The following KIF24 variants were observed in gnomAD, a reference collection of about 807,000 sequenced individuals.
KIF24 encodes kinesin family member 24.
In KIF24, 81 loss-of-function variants were observed where a neutral mutation model predicts 118.9. The ratio of observed to expected loss-of-function variants is 0.68; its 90% CI spans 0.57 to 0.82. KIF24 has a LOEUF of 0.82. Ranked by LOEUF, KIF24 falls within the 40% of genes least tolerant of loss-of-function variation. The pLI is 0.00. For synonymous variants in KIF24, 599 were observed against 610.0 expected, an observed-to-expected ratio of 0.98 and a Z score of 0.27; for missense variants, 1,560 against 1,661.6, an observed-to-expected ratio of 0.94 and a Z score of 1.06.
chr9:34,309,007 G>A (rs1358232416), intron 2 of KIF24, among the ~76,000 whole-genome samples: 3 of 152,106 alleles, frequency 2.0e-5, no homozygotes, highest in African/African-American at 4.8e-5. Flanking sequence ...CTTGACCTCA[G>A]GAGTTTGAGG....
chr9:34,298,011 C>T (rs1396546858), intron 3 of KIF24, among the ~76,000 whole-genome samples: 1 of 151,820 alleles, frequency 6.6e-6, no homozygotes, highest in Non-Finnish European at 1.5e-5. Context: ...AAGTACGTGT[C>T]GATTTCAAAG....
rs1166797126 is a variant in KIF24 at position 34,290,254 on chromosome 9, T to C, written c.1047A>G (p.Pro349=). ...TGATCCACACAAAGAGGTGCTTTCT[T>C]GGCTGGGACACTTCTAGTTGCCTGA... ...DIFRQLEVSQ[P]RKHLFVWISF... The change falls in exon 5 of 13, where the codon CCA becomes CCG. Residue 349 remains proline (P), a synonymous_variant. Coordinates refer to ENST00000402558, the MANE Select transcript of KIF24 (RefSeq NM_194313.4). 1.9e-6 allele frequency: 3 copies of C among 1,613,996 alleles called. No individual in the cohort carries two copies. In the South Asian group the frequency reaches 3.3e-5, roughly 18 times the overall value.
In KIF24 at chr9:34,254,395, TC is replaced by T. The variant is rs1563930049; in HGVS notation, c.4091del (p.Gly1364GlufsTer48). ...GGGTCTGGCTCTAAGACGGCACTGT[TC>T]CCTCAGGGGCTGCGGTGGGCCCGTG... ...TCHGPTAAPE[G>X]TVPS is the part of the protein sequence containing the mutation. On this transcript the variant is annotated frameshift_variant, in exon 13 of 13. Coordinates refer to ENST00000402558, the MANE Select transcript of KIF24 (RefSeq NM_194313.4). LOFTEE classifies it high-confidence loss of function. 3.7e-6 allele frequency: 6 copies of T among 1,613,362 alleles called. No homozygotes were observed. The Admixed American group carries it at 5.0e-5, about 13-fold the overall frequency.
chr9:34,261,911 G>C (rs1037682952), intron 9 of KIF24, among the ~76,000 whole-genome samples: 2 of 152,094 alleles, frequency 1.3e-5, no homozygotes, highest in African/African-American at 4.8e-5. Flanking sequence ...CAATGCAAAG[G>C]CTTAGAGATT....
At position 34,306,281 on chromosome 9, in the gene KIF24, CTTCT is replaced by C; in HGVS notation, c.780_783del (p.Glu261GlnfsTer30). 1 of 1,605,920 alleles carries C rather than the reference CTTCT, an allele frequency of 6.2e-7. No homozygotes were observed. Among genetic ancestry groups the C allele is most frequent in the Non-Finnish European group, 8.5e-7 (1 of 1,175,422 alleles). On this transcript the variant is annotated frameshift_variant, in exon 3 of 13. Coordinates refer to ENST00000402558, the MANE Select transcript of KIF24 (RefSeq NM_194313.4). LOFTEE classifies it high-confidence loss of function. ...AGAATATATTGAGTGAGGTCAACTG[CTTCT>C]TTCTTCTCATGCACAAGTAGAGTTT...
rs117495106 is a variant in KIF24, at chr9:34,289,463, C to G, written c.1127+711G>C. 4.3e-4 allele frequency among the ~76,000 whole-genome samples: 65 copies of G among 152,298 alleles called. No individual in the cohort carries two copies. The East Asian group carries it at 9.5e-3, about 22-fold the overall frequency. On this transcript the variant is annotated intron_variant, in intron 5 of 12. Transcript: ENST00000402558. Reference sequence around the variant, plus strand: ...GCCTCAATTCACTCCTCCAACATCTCAAATCTGGTTAATTCTGTTATGACA... The same window carrying G: ...GCCTCAATTCACTCCTCCAACATCTGAAATCTGGTTAATTCTGTTATGACA...
chr9:34,300,850 C>CAAAAAAAAA (rs57919845), intron 3 of KIF24, among the ~76,000 whole-genome samples: 2 of 105,656 alleles, frequency 1.9e-5, no homozygotes, highest in African/African-American at 3.9e-5. Flanking sequence ...CGGCATTTCT[C>CAAAAAAAAA]AAAAAAAAAA....
Position 34,259,827 on chromosome 9 carries a change from T to C in KIF24, c.1516-122A>G. Reference sequence around the variant, plus strand: ...CTGTCCACAAAAAGGTAATTAACATTAACAAAAGAAAAAATACAAATGGCC... The same window carrying C: ...CTGTCCACAAAAAGGTAATTAACATCAACAAAAGAAAAAATACAAATGGCC... On this transcript the variant is annotated intron_variant, in intron 9 of 12. Transcript: ENST00000402558. 4 of 625,818 alleles carry C rather than the reference T, an allele frequency of 6.4e-6. No individual in the cohort carries two copies. The South Asian group carries it at 8.0e-5, about 12-fold the overall frequency. The allele number at this position is 625,818 out of a possible 1,614,324, so 38.8% of individuals were successfully genotyped here.
chr9:34,279,139 A>G (rs945839459), intron 6 of KIF24, among the ~76,000 whole-genome samples: 1 of 152,134 alleles, frequency 6.6e-6, no homozygotes, highest in Admixed American at 6.6e-5. Flanking sequence ...TGGTGCTGGG[A>G]AACATCATTC....
intron 1 of KIF24, among the ~76,000 whole-genome samples, chr9:34,323,963 T>C (rs1028119820): frequency 6.6e-6 from 1 of 152,232 alleles, no homozygotes; most frequent in African/African-American, 2.4e-5. Context: ...AGTGATCAGA[T>C]AGCCATATAT....
chr9:34,302,087 T>G (rs567184412), intron 3 of KIF24, among the ~76,000 whole-genome samples: 129 of 146,366 alleles, frequency 8.8e-4, no homozygotes, highest in African/African-American at 3.0e-3. Flanking sequence ...CTCTGCCTCC[T>G]GGGTTCACGC....
At chr9:34,259,470 G>A (rs1328995850) in intron 10 of KIF24, 126 bp downstream of exon 10, 6 of 704,910 alleles carry the variant, frequency 8.5e-6, no homozygotes, top group East Asian at 5.3e-5. Context: ...CTATGTGTGT[G>A]TGAGTGGGAG....
At position 34,269,382 on chromosome 9, in the gene KIF24, G is replaced by GTCACTCCTGCT; in HGVS notation, c.1338-21_1338-20insAGCAGGAGTGA. On this transcript the variant is annotated intron_variant, in intron 7 of 12. Coordinates refer to ENST00000402558, the MANE Select transcript of KIF24 (RefSeq NM_194313.4). ...GAGATCCTAGAGAAAAGACACAGCA[G>GTCACTCCTGCT]GAGTGACTTCTGTGAAGCTTTATTT... 8.9e-7 allele frequency: 1 copy of GTCACTCCTGCT among 1,127,298 alleles called. No homozygotes were observed. Among genetic ancestry groups the GTCACTCCTGCT allele is most frequent in the Non-Finnish European group, 1.3e-6 (1 of 762,850 alleles). The allele number at this position is 1,127,298 out of a possible 1,614,324, so 69.8% of individuals were successfully genotyped here. A position where few individuals can be genotyped will look rare whatever the true frequency, so the allele number is the denominator to read the frequency against.
chr9:34,261,559 T>A (rs1428886043), intron 9 of KIF24, among the ~76,000 whole-genome samples: 1 of 152,242 alleles, frequency 6.6e-6, no homozygotes, highest in Non-Finnish European at 1.5e-5. Context: ...AAACAGAAAG[T>A]GGTCATACAG....
intron 8 of KIF24, among the ~76,000 whole-genome samples, chr9:34,267,129 TATTAGA>T (rs1191138417): frequency 6.6e-5 from 10 of 152,160 alleles, no homozygotes; most frequent in African/African-American, 2.2e-4. Flanking sequence ...ACAGAAGGAA[TATTAGA>T]ATTAGAATAT....
At position 34,254,529 on chromosome 9, in the gene KIF24, G is replaced by C. The variant is rs1251298249; in HGVS notation, c.3967-9C>G. Reference sequence around the variant, plus strand: ...ACAAAATCTTCAAAATCCTGAGAAGGAAACAAGGGACGAATACAGCTTTTG... The same window carrying C: ...ACAAAATCTTCAAAATCCTGAGAAGCAAACAAGGGACGAATACAGCTTTTG... On this transcript the variant is annotated splice_polypyrimidine_tract_variant and intron_variant, in intron 12 of 12. Coordinates refer to ENST00000402558, the MANE Select transcript of KIF24 (RefSeq NM_194313.4). 2 of 1,612,572 alleles carry C rather than the reference G, an allele frequency of 1.2e-6. No homozygotes were observed. Among genetic ancestry groups the C allele is most frequent in the Non-Finnish European group, 1.7e-6 (2 of 1,179,442 alleles).
At chr9:34,267,402 C>A (rs941776103) in intron 8 of KIF24, among the ~76,000 whole-genome samples, 13 of 152,096 alleles carry the variant, frequency 8.5e-5, no homozygotes, top group African/African-American at 3.1e-4. Flanking sequence ...TCTCTATCTC[C>A]TAATGTATTG....
chr9:34,260,528 A>AAGTT (rs1476271964), intron 9 of KIF24, among the ~76,000 whole-genome samples: 2 of 152,216 alleles, frequency 1.3e-5, no homozygotes, highest in Non-Finnish European at 2.9e-5. Flanking sequence ...GACTAGAAGG[A>AAGTT]AGTTCACTAA....
In KIF24 at chr9:34,311,398, C is replaced by A. The variant is rs754795062; in HGVS notation, c.-25-27G>T. 5 of 1,272,996 alleles carry A rather than the reference C, an allele frequency of 3.9e-6. No homozygotes were observed. The South Asian group carries it at 6.8e-5, about 17-fold the overall frequency. 78.9% of individuals were successfully genotyped at this position (1,272,996 alleles called of 1,614,324 possible). A position where few individuals can be genotyped will look rare whatever the true frequency, so the allele number is the denominator to read the frequency against. On this transcript the variant is annotated intron_variant, in intron 1 of 12. Transcript: ENST00000402558. Reference sequence around the variant, plus strand: ...TGAAGAGAGAAAGAAAAGCCATTCGCTTGAAATAGAGTACATGTAATACAA... The same window carrying A: ...TGAAGAGAGAAAGAAAAGCCATTCGATTGAAATAGAGTACATGTAATACAA...
Sources: allele counts gnomAD v4.1 joint callset (sites outside exome capture counted in the v4.1 genomes callset), GRCh38; gene constraint gnomAD v4.1.1; transcripts MANE v1.5; gene names NCBI Gene and HGNC (gene_info 2026-07-23, HGNC 2026-07-21).